The following SCAF8 variants were observed in gnomAD, a reference collection of about 807,000 sequenced individuals.
The protein encoded by SCAF8 is SR-related CTD associated factor 8.
Under a neutral mutation model 140.5 loss-of-function variants are expected in SCAF8, and 23 were observed. The observed-to-expected ratio is 0.16, with a 90% CI of 0.12 to 0.23. The LOEUF is 0.23. SCAF8 is among the 10% of genes least tolerant of loss of function. The pLI is 1.00. For synonymous variants in SCAF8, 575 were observed against 528.9 expected (o/e 1.09, Z -1.20); for missense variants, 1,397 against 1,555.7 (o/e 0.90, Z 1.72).
intron 12 of SCAF8, among the ~76,000 whole-genome samples, chr6:154,813,614 C>G (rs1049805033): frequency 1.3e-5 from 2 of 152,086 alleles, no homozygotes; most frequent in African/African-American, 4.8e-5. Flanking sequence ...TAATGGCCCC[C>G]TAAAAGGTAT....
Position 154,822,418 on chromosome 6 carries a change from T to G in SCAF8, c.1926+9T>G. The G allele has an allele frequency of 6.3e-7, 1 of 1,583,110 alleles. No homozygotes were observed. On this transcript the variant is annotated intron_variant, in intron 16 of 19. Coordinates refer to ENST00000367178, the MANE Select transcript of SCAF8 (RefSeq NM_014892.5). ...CTGTTGCTATGTTGCAGGTTAGTGTTGAAGTGGGGTTTTTTTTTTCTTGTG... is the reference window on the plus strand; with the variant it reads ...CTGTTGCTATGTTGCAGGTTAGTGTGGAAGTGGGGTTTTTTTTTTCTTGTG...
chr6:154,782,651 C>T (rs968049643), intron 3 of SCAF8, among the ~76,000 whole-genome samples: 2 of 152,078 alleles, frequency 1.3e-5, no homozygotes, highest in African/African-American at 2.4e-5. Flanking sequence ...TATTAACTTA[C>T]ACGATCACAA....
At chr6:154,743,798 T>A (rs541669160) in intron 1 of SCAF8, among the ~76,000 whole-genome samples, 1 of 152,220 alleles carries the variant, frequency 6.6e-6, no homozygotes, top group Admixed American at 6.5e-5. Context: ...ATATTTTAAA[T>A]ATATGAGTAA....
intron 18 of SCAF8, among the ~76,000 whole-genome samples, chr6:154,829,103 A>G (rs1191753822): frequency 2.0e-5 from 3 of 152,184 alleles, no homozygotes; most frequent in Admixed American, 6.5e-5. Flanking sequence ...AAGTTTACCT[A>G]TATGACAAAC....
intron 10 of SCAF8, 88 bp from the exon 11 acceptor site, chr6:154,808,598 C>T (rs975776234): frequency 5.9e-6 from 5 of 844,214 alleles, no homozygotes; most frequent in East Asian, 2.5e-5. Context: ...ATGCTCCCAT[C>T]GTCAATATTT....
chr6:154,790,713 T>C (rs1342365265), intron 4 of SCAF8, among the ~76,000 whole-genome samples: 3 of 151,998 alleles, frequency 2.0e-5, no homozygotes, highest in East Asian at 3.9e-4. Context: ...GGTTTCACCA[T>C]GTTAGCCAAG....
intron 14 of SCAF8, among the ~76,000 whole-genome samples, 180 bp downstream of exon 14, chr6:154,818,772 C>T (rs566424696): frequency 2.0e-5 from 3 of 152,228 alleles, no homozygotes; most frequent in East Asian, 1.9e-4. Context: ...CTTATTGTTT[C>T]AGTTCGTTGA....
intron 1 of SCAF8, among the ~76,000 whole-genome samples, chr6:154,754,871 A>C (rs955328817): frequency 6.6e-6 from 1 of 152,132 alleles, no homozygotes; most frequent in Non-Finnish European, 1.5e-5. Flanking sequence ...CATATCTTCA[A>C]GGTATTTTAT....
At chr6:154,747,710 A>G (rs1778736632) in intron 1 of SCAF8, among the ~76,000 whole-genome samples, 1 of 152,170 alleles carries the variant, frequency 6.6e-6, no homozygotes, top group Non-Finnish European at 1.5e-5. Flanking sequence ...TATAGTGCTT[A>G]TTTTAACATC....
intron 3 of SCAF8, among the ~76,000 whole-genome samples, chr6:154,782,927 C>T (rs1411240559): frequency 6.6e-6 from 1 of 152,190 alleles, no homozygotes. Flanking sequence ...TCTCCTTTGG[C>T]AGCACCCTCA....
intron 1 of SCAF8, among the ~76,000 whole-genome samples, chr6:154,742,678 G>T (rs1778600695): frequency 6.6e-6 from 1 of 152,076 alleles, no homozygotes; most frequent in African/African-American, 2.4e-5. Context: ...ACTTAAGGAA[G>T]GCTATGTAAA....
chr6:154,742,077 G>C, intron 1 of SCAF8: 1 of 1,133,432 alleles, frequency 8.8e-7, no homozygotes, highest in Non-Finnish European at 1.3e-6. Context: ...GTTTCAATTG[G>C]TAGTGGAATA....
At chr6:154,794,355 T>G (rs769422018) in intron 5 of SCAF8, among the ~76,000 whole-genome samples, 42 of 152,196 alleles carry the variant, frequency 2.8e-4, no homozygotes, top group Non-Finnish European at 5.7e-4. Context: ...TGTTAAGTAT[T>G]GTAGGCTTTA....
chr6:154,803,715 T>C (rs1777835522), intron 8 of SCAF8, 92 bp downstream of exon 8: 1 of 762,242 alleles, frequency 1.3e-6, no homozygotes, highest in African/African-American at 1.8e-5. Flanking sequence ...GTTGGGATTA[T>C]TATTTCAAGC....
chr6:154,733,447 C>G lies in SCAF8; in HGVS notation c.-454C>G, dbSNP rs1395069068. The G allele has an allele frequency of 9.3e-6, 13 of 1,392,314 alleles. No homozygotes were observed. The highest frequency in any genetic ancestry group is 1.2e-5 in the Non-Finnish European group (13 of 1,072,762). 86.2% of individuals were successfully genotyped at this position (1,392,314 alleles called of 1,614,324 possible). ...GATGCCGCAGCCGCTGCTGCCAGCG[C>G]TTCCTCCTCTGTCTTCGCCGAGCGG... On this transcript the variant is annotated 5_prime_UTR_variant, in exon 1 of 20. Transcript: ENST00000367178.
Position 154,832,772 on chromosome 6 carries a change from G to T in SCAF8, c.3193G>T (p.Val1065Leu), listed in dbSNP as rs779091726. Residue 1065 changes from valine (V) to leucine (L), a missense_variant, in exon 20 of 20, where the codon GTA becomes TTA. By Grantham distance (32) the Val-to-Leu change is conservative. Transcript: ENST00000367178. ...DGRDHFGRPP[V>L]DIRENLVRPG... is the part of the protein sequence containing the mutation. ...TAGGGATCATTTTGGAAGACCTCCT[G>T]TAGATATAAGAGAGAATCTTGTGAG... is the stretch of plus-strand genomic sequence containing the variant. The T allele has an allele frequency of 1.9e-6, 3 of 1,613,830 alleles. No homozygotes were observed. The highest frequency in any genetic ancestry group is 1.7e-5 in the Admixed American group (1 of 59,964).
At chr6:154,799,279 A>G (rs1777699208) in intron 6 of SCAF8, among the ~76,000 whole-genome samples, 1 of 150,786 alleles carries the variant, frequency 6.6e-6, no homozygotes, top group Middle Eastern at 3.2e-3. Context: ...TGCCTGGCCA[A>G]TTTTTTATTT....
chr6:154,766,873 T>C (rs904673594), intron 1 of SCAF8, among the ~76,000 whole-genome samples: 1 of 152,084 alleles, frequency 6.6e-6, no homozygotes, highest in Non-Finnish European at 1.5e-5. Context: ...TATGATGTTC[T>C]ATTGGGGTTC....
intron 1 of SCAF8, among the ~76,000 whole-genome samples, chr6:154,771,572 G>A (rs1776769601): frequency 6.6e-6 from 1 of 152,186 alleles, no homozygotes; most frequent in Non-Finnish European, 1.5e-5. Context: ...GTAGGAGTGG[G>A]TGAGTGTCAG....
Sources: gnomAD v4.1 joint callset for allele counts (sites outside exome capture counted in the v4.1 genomes callset) on GRCh38, gnomAD v4.1.1 for gene constraint, MANE v1.5 for transcripts, NCBI Gene and HGNC (gene_info 2026-07-23, HGNC 2026-07-21) for gene names.